The following CEP57L1 variants were observed in gnomAD, a reference collection of about 807,000 sequenced individuals.
CEP57L1 encodes centrosomal protein CEP57L1.
Under a neutral mutation model 61.0 loss-of-function variants are expected in CEP57L1, and 37 were observed. That is an observed-to-expected ratio of 0.61 (90% CI 0.47 to 0.80). CEP57L1 has a LOEUF of 0.80. Among genes scored for constraint, CEP57L1 ranks in the 30% least tolerant of loss-of-function variants. The pLI is 0.00. For synonymous variants in CEP57L1, 137 were observed against 162.3 expected, an observed-to-expected ratio of 0.84 and a Z score of 1.19; for missense variants, 422 against 524.7, an observed-to-expected ratio of 0.80 and a Z score of 1.91.
intron 5 of CEP57L1, among the ~76,000 whole-genome samples, chr6:109,154,684 C>T (rs1773034487): frequency 6.6e-6 from 1 of 151,872 alleles, no homozygotes; most frequent in African/African-American, 2.4e-5. Flanking sequence ...GATACCGAAC[C>T]AGTAATGAAA....
rs944419242 is a variant in CEP57L1 at position 109,165,781 on chromosome 6, G to C, written c.*2811G>C. Reference sequence around the variant, plus strand: ...CTTGCCAGAGCCTTTGACTCCTCAGGGGGTGGAGCAAAAGATTTCTTTCCT... The same window carrying C: ...CTTGCCAGAGCCTTTGACTCCTCAGCGGGTGGAGCAAAAGATTTCTTTCCT... On this transcript the variant is annotated 3_prime_UTR_variant, in exon 11 of 11. Coordinates refer to ENST00000517392, the MANE Select transcript of CEP57L1 (RefSeq NM_001271852.3). The C allele has an allele frequency of 1.2e-4, 18 of 152,308 alleles. 1 individual carries two copies. The highest frequency in any genetic ancestry group is 7.2e-5 in the African/African-American group (3 of 41,570). The allele number at this position is 152,308 out of a possible 1,614,324, so 9.4% of individuals were successfully genotyped here.
At chr6:109,095,199 C>G, upstream of CEP57L1, 1 of 985,508 alleles carries the variant, frequency 1.0e-6, no homozygotes, top group Non-Finnish European at 1.2e-6. Context: ...CGCCCTGAGG[C>G]GGTTTCCGTT....
chr6:109,106,895 G>A (rs1053389761), intron 1 of CEP57L1, among the ~76,000 whole-genome samples: 2 of 152,118 alleles, frequency 1.3e-5, no homozygotes, highest in African/African-American at 2.4e-5. Context: ...AGCTGAAATC[G>A]CACCACTTCA....
intron 8 of CEP57L1, 31 bp downstream of exon 8, chr6:109,159,133 CA>C (rs1375630480): frequency 6.2e-7 from 1 of 1,613,698 alleles, no homozygotes; most frequent in Non-Finnish European, 8.5e-7. Context: ...GATAGTCGTT[CA>C]AAAAAACTCC....
In CEP57L1 at chr6:109,169,970, G is replaced by A. The variant is rs1447439498; in HGVS notation, c.*7000G>A. On this transcript the variant is annotated 3_prime_UTR_variant, in exon 11 of 11. Coordinates refer to ENST00000517392, the MANE Select transcript of CEP57L1 (RefSeq NM_001271852.3). Reference sequence around the variant, plus strand: ...ATTGAATATTTTAAAATGAATAAGTGGATAAATATCTTACCTGAAAGATAG... The same window carrying A: ...ATTGAATATTTTAAAATGAATAAGTAGATAAATATCTTACCTGAAAGATAG... 6.6e-6 allele frequency among the ~76,000 whole-genome samples: 1 copy of A among 152,086 alleles called. No individual in the cohort carries two copies. Among genetic ancestry groups the A allele is most frequent in the Non-Finnish European group, 1.5e-5 (1 of 68,012 alleles).
chr6:109,130,770 A>G (rs537521958), intron 1 of CEP57L1: 1 of 151,672 alleles, frequency 6.6e-6, no homozygotes, highest in South Asian at 2.1e-4. Context: ...AATACTGCAT[A>G]GGTGATGTTG....
At chr6:109,161,105 A>G (rs1046315639) in intron 10 of CEP57L1, among the ~76,000 whole-genome samples, 8 of 152,090 alleles carry the variant, frequency 5.3e-5, no homozygotes, top group African/African-American at 1.9e-4. Flanking sequence ...TCACTGCCAG[A>G]CATAAACCTG....
intron 1 of CEP57L1, among the ~76,000 whole-genome samples, chr6:109,106,814 C>T (rs1770990774): frequency 6.6e-6 from 1 of 152,050 alleles, no homozygotes; most frequent in Non-Finnish European, 1.5e-5. Flanking sequence ...ATGGCACACA[C>T]CTGTAATCCC....
At chr6:109,160,091 C>A (rs1773585615) in intron 9 of CEP57L1, among the ~76,000 whole-genome samples, 1 of 152,144 alleles carries the variant, frequency 6.6e-6, no homozygotes, top group Non-Finnish European at 1.5e-5. Flanking sequence ...AACAGAAATT[C>A]CAGAACTATG....
chr6:109,120,105 A>G (rs1033337943), intron 1 of CEP57L1, among the ~76,000 whole-genome samples: 1 of 152,198 alleles, frequency 6.6e-6, no homozygotes, highest in Non-Finnish European at 1.5e-5. Context: ...TAATTGTCTT[A>G]AACAGGTAGT....
chr6:109,159,342 C>T lies in CEP57L1; in HGVS notation c.896C>T (p.Pro299Leu), dbSNP rs753485092. The T allele has an allele frequency of 3.2e-5, 51 of 1,614,008 alleles. No homozygotes were observed. Among genetic ancestry groups the T allele is most frequent in the Non-Finnish European group, 4.2e-5 (49 of 1,180,022 alleles). Residue 299 changes from proline (P) to leucine (L), a missense_variant, in exon 9 of 11, where the codon CCT (proline) becomes CTT (leucine). Coordinates refer to ENST00000517392, the MANE Select transcript of CEP57L1 (RefSeq NM_001271852.3). ...ACTGAGACTAGATGTCTCCCCAAGC[C>T]TTCTAGAACAACTTCCTGGTGTAAA... ...NVTETRCLPK[P>L]SRTTSWCKAI...
chr6:109,124,075 CA>C (rs536788352), intron 1 of CEP57L1, among the ~76,000 whole-genome samples: 167 of 134,926 alleles, frequency 1.2e-3, no homozygotes, highest in South Asian at 2.4e-3. Context: ...GACTCTGTCT[CA>C]AAAAAAAAAA....
At chr6:109,133,508 G>C (rs1047050989) in intron 1 of CEP57L1, among the ~76,000 whole-genome samples, 5 of 152,078 alleles carry the variant, frequency 3.3e-5, no homozygotes, top group Admixed American at 2.0e-4. Context: ...CACAGACCAG[G>C]GGTTGGGGAC....
chr6:109,131,314 ACTTTTT>A (rs1256386260), intron 1 of CEP57L1, among the ~76,000 whole-genome samples: 2 of 152,122 alleles, frequency 1.3e-5, no homozygotes, highest in African/African-American at 4.8e-5. Flanking sequence ...AGGTTCTGAT[ACTTTTT>A]CTTATTCTCA....
chr6:109,125,503 T>C (rs1706200658), intron 1 of CEP57L1, among the ~76,000 whole-genome samples: 2 of 145,710 alleles, frequency 1.4e-5, no homozygotes, highest in Non-Finnish European at 3.0e-5. Context: ...TATATATATA[T>C]ATATACATAT....
chr6:109,119,125 C>T (rs866914352), intron 1 of CEP57L1, among the ~76,000 whole-genome samples: 1 of 152,034 alleles, frequency 6.6e-6, no homozygotes, highest in Non-Finnish European at 1.5e-5. Context: ...ACATTAGAAA[C>T]GTGTTCACTC....
rs1179485460 is a variant in CEP57L1 at position 109,168,875 on chromosome 6, C to A, written c.*5905C>A. Among the ~76,000 whole-genome samples, 1 of 149,434 alleles carries A rather than the reference C, an allele frequency of 6.7e-6. No individual in the cohort carries two copies. Among genetic ancestry groups the A allele is most frequent in the Non-Finnish European group, 1.5e-5 (1 of 67,640 alleles). ...TGTCCCAAAGTGCTGGGATTACAGG[C>A]GTGAGCCACCATGCCTGGCCAGCAT... is the stretch of plus-strand genomic sequence containing the variant. On this transcript the variant is annotated 3_prime_UTR_variant, in exon 11 of 11. Coordinates refer to ENST00000517392, the MANE Select transcript of CEP57L1 (RefSeq NM_001271852.3).
intron 4 of CEP57L1, among the ~76,000 whole-genome samples, chr6:109,152,847 G>T (rs570654620): frequency 1.3e-5 from 2 of 151,940 alleles, no homozygotes; most frequent in Non-Finnish European, 2.9e-5. Context: ...GGTAGCTCAC[G>T]CCTGTAATCC....
intron 1 of CEP57L1, among the ~76,000 whole-genome samples, chr6:109,113,652 A>G (rs549723454): frequency 1.3e-3 from 199 of 152,316 alleles, no homozygotes; most frequent in African/African-American, 4.5e-3. Flanking sequence ...GCTGCCAAAT[A>G]TAGTTTAAAT....
Sources: gnomAD v4.1 joint callset for allele counts (sites outside exome capture counted in the v4.1 genomes callset) on GRCh38, gnomAD v4.1.1 for gene constraint, MANE v1.5 for transcripts, NCBI Gene and HGNC (gene_info 2026-07-23, HGNC 2026-07-21) for gene names.